The following FHIT variants were observed in gnomAD, a reference collection of about 807,000 sequenced individuals.
The protein encoded by FHIT is fragile histidine triad diadenosine triphosphatase.
FHIT carries 19 observed loss-of-function variants against 17.9 expected under a neutral mutation model. That is an observed-to-expected ratio of 1.06 (90% CI 0.74 to 1.56). The LOEUF (loss-of-function observed/expected upper bound fraction) is 1.56. Among genes scored for constraint, FHIT ranks in the 40% most tolerant of loss-of-function variants. The pLI is 0.00. For missense variants in FHIT, 248 were observed against 189.2 expected (o/e 1.31, Z -1.82); for synonymous variants, 81 against 69.7 (o/e 1.16, Z -0.81).
chr3:60,105,885 T>A (rs748837385), intron 5 of FHIT, among the ~76,000 whole-genome samples: 4 of 152,220 alleles, frequency 2.6e-5, no homozygotes, highest in Non-Finnish European at 4.4e-5. Flanking sequence ...GAGAAAAGAA[T>A]TCTACAGTAG....
chr3:60,273,002 C>T (rs1311455152), intron 5 of FHIT, among the ~76,000 whole-genome samples: 1 of 152,192 alleles, frequency 6.6e-6, no homozygotes, highest in Non-Finnish European at 1.5e-5. Flanking sequence ...CTAACCTGCT[C>T]ACTGTTTCTC....
At chr3:60,800,940 C>T (rs1439474659) in intron 4 of FHIT, among the ~76,000 whole-genome samples, 3 of 152,240 alleles carry the variant, frequency 2.0e-5, no homozygotes, top group Non-Finnish European at 2.9e-5. Context: ...AGCTGTGAGA[C>T]CTTAGTATCC....
At chr3:60,228,462 A>T (rs965922135) in intron 5 of FHIT, among the ~76,000 whole-genome samples, 5 of 152,186 alleles carry the variant, frequency 3.3e-5, no homozygotes, top group Non-Finnish European at 5.9e-5. Context: ...TAAAAGGTGA[A>T]TTTTTTTGGT....
chr3:60,242,430 A>G (rs905025834), intron 5 of FHIT, among the ~76,000 whole-genome samples: 1 of 152,054 alleles, frequency 6.6e-6, no homozygotes, highest in South Asian at 2.1e-4. Flanking sequence ...TGCAAAGTAC[A>G]TATTATTTCC....
chr3:60,873,464 G>A (rs9883990), intron 3 of FHIT, among the ~76,000 whole-genome samples: 3,098 of 152,266 alleles, frequency 0.02, 89 homozygotes, highest in African/African-American at 0.07. Flanking sequence ...CCTTCAACAG[G>A]TTCCTTTGTT....
chr3:60,814,870 G>GT (rs1553737139), intron 4 of FHIT, among the ~76,000 whole-genome samples: 1,557 of 141,338 alleles, frequency 0.011, 28 homozygotes, highest in African/African-American at 0.038. Flanking sequence ...ACCAACATGT[G>GT]GTTTTTTTTT....
intron 5 of FHIT, among the ~76,000 whole-genome samples, chr3:60,459,260 A>G (rs570633336): frequency 6.6e-4 from 100 of 152,334 alleles, no homozygotes; most frequent in Middle Eastern, 6.8e-3. Flanking sequence ...ATAGTTTACC[A>G]AAGTTTCCAA....
chr3:59,910,444 G>C (rs1457138485), intron 8 of FHIT, among the ~76,000 whole-genome samples: 1 of 152,122 alleles, frequency 6.6e-6, no homozygotes, highest in Admixed American at 6.5e-5. Flanking sequence ...TTAGTGATTT[G>C]GGGGCCCCAA....
At chr3:59,983,659 G>T (rs1286071373) in intron 7 of FHIT, among the ~76,000 whole-genome samples, 1 of 152,076 alleles carries the variant, frequency 6.6e-6, no homozygotes, top group African/African-American at 2.4e-5. Context: ...CTAATGTATA[G>T]TCCTTTCCCT....
chr3:61,122,367 CAGACTTAAATGTT>C (rs2036484473), intron 2 of FHIT, among the ~76,000 whole-genome samples: 1 of 152,024 alleles, frequency 6.6e-6, no homozygotes, highest in African/African-American at 2.4e-5. Flanking sequence ...AGATGGATTA[CAGACTTAAATGTT>C]AGACCTAAAA....
intron 5 of FHIT, among the ~76,000 whole-genome samples, chr3:60,297,949 C>A (rs1361823322): frequency 6.6e-6 from 1 of 152,084 alleles, no homozygotes; most frequent in Admixed American, 6.6e-5. Flanking sequence ...AGGATTCCTA[C>A]AACCTCCTCT....
intron 7 of FHIT, among the ~76,000 whole-genome samples, chr3:59,929,416 G>T (rs577299234): frequency 2.3e-5 from 3 of 131,536 alleles, no homozygotes; most frequent in South Asian, 5.1e-4. Context: ...TGTCACCCAG[G>T]CTGGAGTGCA....
At chr3:60,487,725 T>C (rs1433959168) in intron 5 of FHIT, among the ~76,000 whole-genome samples, 1 of 152,194 alleles carries the variant, frequency 6.6e-6, no homozygotes, top group East Asian at 1.9e-4. Flanking sequence ...CATCACATTT[T>C]AATCATACAA....
rs150326053 is a variant in FHIT at position 60,264,317 on chromosome 3, T to C, written c.104-250165A>G. Among the ~76,000 whole-genome samples the C allele has an allele frequency of 9.8e-4, 149 of 152,134 alleles. 1 individual carries two copies. The highest frequency in any genetic ancestry group is 6.8e-3 in the Middle Eastern group (2 of 294). ...GACAGATTCAAGTCATAAAAGGATT[T>C]TGAATACATTTAGCCATGCACTCAC... On this transcript the variant is annotated intron_variant, in intron 5 of 9. Transcript: ENST00000492590.
At chr3:60,101,205 T>A (rs1704176694) in intron 5 of FHIT, among the ~76,000 whole-genome samples, 2 of 152,194 alleles carry the variant, frequency 1.3e-5, no homozygotes, top group South Asian at 4.1e-4. Context: ...ACCCTGTGCT[T>A]CAATGACTTT....
intron 5 of FHIT, among the ~76,000 whole-genome samples, chr3:60,029,275 G>A (rs773904301): frequency 8.5e-5 from 13 of 152,084 alleles, no homozygotes; most frequent in Non-Finnish European, 1.8e-4. Flanking sequence ...TTCCGCTTGC[G>A]TGGTCATTTT....
At chr3:60,229,645 G>GA (rs1258260674) in intron 5 of FHIT, among the ~76,000 whole-genome samples, 5 of 152,082 alleles carry the variant, frequency 3.3e-5, no homozygotes, top group African/African-American at 1.2e-4. Context: ...ACTGGGCTGA[G>GA]AAAAAACATT....
At chr3:60,245,045 T>C (rs1266886503) in intron 5 of FHIT, among the ~76,000 whole-genome samples, 3 of 151,990 alleles carry the variant, frequency 2.0e-5, no homozygotes, top group Non-Finnish European at 2.9e-5. Flanking sequence ...AATTAAAAGG[T>C]AAAAACTGCA....
chr3:60,347,383 T>C (rs1291326772), intron 5 of FHIT, among the ~76,000 whole-genome samples: 1 of 152,022 alleles, frequency 6.6e-6, no homozygotes, highest in African/African-American at 2.4e-5. Flanking sequence ...TGCAAATAAA[T>C]GAGATGGAAC....
Sources: allele counts gnomAD v4.1 joint callset (sites outside exome capture counted in the v4.1 genomes callset), GRCh38; gene constraint gnomAD v4.1.1; transcripts MANE v1.5; gene names NCBI Gene and HGNC (gene_info 2026-07-23, HGNC 2026-07-21).